Variants in CLMN observed in about 807,000 individuals in gnomAD.
CLMN encodes the protein calmin.
CLMN carries 57 observed loss-of-function variants against 92.7 expected under a neutral mutation model. The ratio of observed to expected loss-of-function variants is 0.61; its 90% confidence interval spans 0.50 to 0.77. The LOEUF (loss-of-function observed/expected upper bound fraction) is 0.77, where lower values mean the gene tolerates loss of function less well. Ranked by LOEUF, CLMN falls within the 30% of genes least tolerant of loss-of-function variation. The pLI is 0.00. For missense variants in CLMN, 1,158 were observed against 1,237.5 expected (o/e 0.94, Z 0.96); for synonymous variants, 466 against 470.6 (o/e 0.99, Z 0.13).
At position 95,242,803 on chromosome 14, in the gene CLMN, G is replaced by A. The variant is rs147739305; in HGVS notation, c.83-12670C>T. ...AAGATGGTCTCGAACTCCAGACCTCGTGATCCGCCCACCTTGGCCTCCCAA... is the reference window on the plus strand; with the variant it reads ...AAGATGGTCTCGAACTCCAGACCTCATGATCCGCCCACCTTGGCCTCCCAA... On this transcript the variant is annotated intron_variant, in intron 1 of 12. Transcript: ENST00000298912. Among the ~76,000 whole-genome samples the A allele has an allele frequency of 1.3e-3, 199 of 150,566 alleles. 1 individual carries two copies. The highest frequency in any genetic ancestry group is 4.1e-3 in the African/African-American group (168 of 40,876).
In CLMN at chr14:95,202,836, A is replaced by G; in HGVS notation, c.2511+2T>C. On this transcript the variant is annotated splice_donor_variant, in intron 9 of 12. Coordinates refer to ENST00000298912, the MANE Select transcript of CLMN (RefSeq NM_024734.4). LOFTEE classifies it high-confidence loss of function. ...GGGTTCCCAAATCCCACGGTTGAGTACCTGATGGCTGTCCATGGGGTCATT... is the reference window on the plus strand; with the variant it reads ...GGGTTCCCAAATCCCACGGTTGAGTGCCTGATGGCTGTCCATGGGGTCATT... The G allele has an allele frequency of 6.6e-7, 1 of 1,521,134 alleles. No homozygotes were observed. The highest frequency in any genetic ancestry group is 8.8e-7 in the Non-Finnish European group (1 of 1,136,642). 94.2% of individuals were successfully genotyped at this position (1,521,134 alleles called of 1,614,324 possible).
intron 12 of CLMN, chr14:95,192,198 GGGAT>G (rs1163937757): frequency 6.5e-6 from 1 of 153,504 alleles, no homozygotes; most frequent in African/African-American, 2.4e-5. Flanking sequence ...GGTCATCTAA[GGGAT>G]GAAGTGTCCC....
chr14:95,201,818 G>C (rs1252442938), intron 9 of CLMN, among the ~76,000 whole-genome samples: 1 of 151,718 alleles, frequency 6.6e-6, no homozygotes, highest in African/African-American at 2.4e-5. Flanking sequence ...TTATAAGTGA[G>C]GACAAGCGGT....
At chr14:95,245,534 AGATG>A (rs1898515522) in intron 1 of CLMN, among the ~76,000 whole-genome samples, 1 of 121,980 alleles carries the variant, frequency 8.2e-6, no homozygotes, top group Admixed American at 8.3e-5. Flanking sequence ...ATGGATAGGT[AGATG>A]GATGAATGGA....
At position 95,194,437 on chromosome 14, in the gene CLMN, A is replaced by T. The variant is rs547930523; in HGVS notation, c.2769+99T>A. 3.1e-5 allele frequency: 50 copies of T among 1,596,012 alleles called. No individual in the cohort carries two copies. The African/African-American group carries it at 4.0e-4, about 13-fold the overall frequency. ...TTCTATCCAAAAGTATAGCTGTTGC[A>T]TGCCAGTAATTTCAAAGCTCTGGGC... On this transcript the variant is annotated intron_variant, in intron 11 of 12. Transcript: ENST00000298912. The surrounding 1 kb of genome is among the most constrained non-coding windows in gnomAD (Gnocchi z 4.0).
Position 95,202,831 on chromosome 14 carries a change from T to G in CLMN, c.2511+7A>C. 1 of 1,518,600 alleles carries G rather than the reference T, an allele frequency of 6.6e-7. No homozygotes were observed. The highest frequency in any genetic ancestry group is 8.8e-7 in the Non-Finnish European group (1 of 1,135,026). The allele number at this position is 1,518,600 out of a possible 1,614,324, so 94.1% of individuals were successfully genotyped here. ...ACCCAGGGTTCCCAAATCCCACGGT[T>G]GAGTACCTGATGGCTGTCCATGGGG... On this transcript the variant is annotated splice_region_variant and intron_variant, in intron 9 of 12. Transcript: ENST00000298912.
At chr14:95,301,298 C>T (rs1241300135) in intron 1 of CLMN, among the ~76,000 whole-genome samples, 2 of 152,216 alleles carry the variant, frequency 1.3e-5, no homozygotes, top group African/African-American at 4.8e-5. Flanking sequence ...CCTTCATTTG[C>T]CTATTACCCT....
intron 4 of CLMN, among the ~76,000 whole-genome samples, chr14:95,216,230 T>G (rs1368383474): frequency 6.6e-6 from 1 of 152,198 alleles, no homozygotes; most frequent in African/African-American, 2.4e-5. Flanking sequence ...TATAAAACCA[T>G]CAGCTCTCAG....
chr14:95,210,535 A>G (rs961367594), intron 7 of CLMN, 151 bp downstream of exon 7: 30 of 677,470 alleles, frequency 4.4e-5, no homozygotes, highest in Non-Finnish European at 7.2e-5. Context: ...AAAATATCGG[A>G]AAAATATCCA....
chr14:95,301,627 A>T (rs771675484), intron 1 of CLMN, among the ~76,000 whole-genome samples: 8 of 152,178 alleles, frequency 5.3e-5, no homozygotes, highest in Non-Finnish European at 1.2e-4. Flanking sequence ...TCTGCTGCCC[A>T]CCCAGGATGG....
chr14:95,299,430 G>A (rs1223422315), intron 1 of CLMN, among the ~76,000 whole-genome samples: 1 of 152,106 alleles, frequency 6.6e-6, no homozygotes, highest in Non-Finnish European at 1.5e-5. Context: ...CAGGGCTTCC[G>A]GCATTCATTC....
rs1164931286 is a variant in CLMN at position 95,186,720 on chromosome 14, A to G, written c.*4844T>C. 1 of 152,178 alleles carries G rather than the reference A, an allele frequency of 6.6e-6. No individual in the cohort carries two copies. Among genetic ancestry groups the G allele is most frequent in the African/African-American group, 2.4e-5 (1 of 41,424 alleles). The allele number at this position is 152,178 out of a possible 1,614,324, so 9.4% of individuals were successfully genotyped here. The stretch of plus-strand genomic sequence containing the variant: ...GCTGGGACTATAAGTGTATGCCACC[A>G]CTAATTTAAATTTAACTTTTTGTAG... On this transcript the variant is annotated 3_prime_UTR_variant, in exon 13 of 13. Transcript: ENST00000298912.
chr14:95,300,473 C>A (rs775896351), intron 1 of CLMN, among the ~76,000 whole-genome samples: 15 of 152,192 alleles, frequency 9.9e-5, no homozygotes, highest in Non-Finnish European at 1.9e-4. Context: ...ATGTGACCAT[C>A]TTCACCTGGC....
At chr14:95,213,955 T>C (rs1897262302) in intron 5 of CLMN, among the ~76,000 whole-genome samples, 1 of 152,016 alleles carries the variant, frequency 6.6e-6, no homozygotes, top group Non-Finnish European at 1.5e-5. Context: ...TCTAACTTAG[T>C]TTGAAAGATG....
chr14:95,319,735 C>T lies in CLMN; in HGVS notation c.58G>A (p.Asp20Asn). 6.3e-7 allele frequency: 1 copy of T among 1,598,860 alleles called. No individual in the cohort carries two copies. The highest frequency in any genetic ancestry group is 8.5e-7 in the Non-Finnish European group (1 of 1,176,568). ...QREELIGQIS[D>N]IRVQNLQVER... ...CCTTGCAGGTTCTGCACTCGGATGT[C>T]GCTAATCTGCCCGATGAGCTCCTCG... The change falls in exon 1 of 13, where the codon GAC becomes AAC. Residue 20 changes from aspartate to asparagine, a missense_variant. Physicochemically the swap from Asp to Asn is conservative, Grantham distance 23 (BLOSUM62 1). Coordinates refer to ENST00000298912, the MANE Select transcript of CLMN (RefSeq NM_024734.4).
chr14:95,201,848 T>C (rs566865683), intron 9 of CLMN, among the ~76,000 whole-genome samples: 1 of 152,218 alleles, frequency 6.6e-6, no homozygotes, highest in South Asian at 2.1e-4. Flanking sequence ...TCTGTTCCTC[T>C]TTTAGTTTGC....
chr14:95,231,056 G>T (rs1298987152), intron 1 of CLMN, among the ~76,000 whole-genome samples: 1 of 151,980 alleles, frequency 6.6e-6, no homozygotes, highest in Non-Finnish European at 1.5e-5. Flanking sequence ...TACAACAGGG[G>T]TCCCCAACCC....
At chr14:95,281,453 A>G (rs977146218) in intron 1 of CLMN, among the ~76,000 whole-genome samples, 6 of 152,256 alleles carry the variant, frequency 3.9e-5, no homozygotes, top group African/African-American at 1.4e-4. Context: ...ATTATGTTTC[A>G]AAAACTATGG....
chr14:95,279,832 A>G (rs1900077259), intron 1 of CLMN, among the ~76,000 whole-genome samples: 1 of 152,242 alleles, frequency 6.6e-6, no homozygotes, highest in African/African-American at 2.4e-5. Flanking sequence ...TGGCTTTTTC[A>G]CCAAAAATAA....
Sources: gnomAD v4.1 joint callset for allele counts (sites outside exome capture counted in the v4.1 genomes callset) on GRCh38, gnomAD v4.1.1 for gene constraint, Gnocchi (gnomAD v3.1) non-coding constraint, MANE v1.5 for transcripts, NCBI Gene and HGNC (gene_info 2026-07-23, HGNC 2026-07-21) for gene names.